NTRK3: variants seen among roughly 807,000 people sequenced by gnomAD.
The protein encoded by NTRK3 is neurotrophic receptor tyrosine kinase 3.
In NTRK3, 24 loss-of-function variants were observed where a neutral mutation model predicts 91.7. The observed-to-expected ratio is 0.26, with a 90% CI of 0.19 to 0.37. The LOEUF (loss-of-function observed/expected upper bound fraction) is 0.37, where lower values mean the gene tolerates loss of function less well. NTRK3 is among the 10% of genes least tolerant of loss of function. NTRK3 has a pLI of 1.00. For missense variants in NTRK3, 880 were observed against 1,068.9 expected (o/e 0.82, Z 2.46); for synonymous variants, 483 against 404.0 (o/e 1.20, Z -2.34).
intron 17 of NTRK3, among the ~76,000 whole-genome samples, chr15:87,916,893 T>C (rs1337481633): frequency 1.3e-5 from 2 of 151,906 alleles, no homozygotes; most frequent in African/African-American, 2.4e-5. Flanking sequence ...TCCCCAAGCA[T>C]GTGGGACTAC....
At chr15:88,197,094 C>CAAAA (rs59553739) in intron 3 of NTRK3, among the ~76,000 whole-genome samples, 1,228 of 56,534 alleles carry the variant, frequency 0.022, 250 homozygotes, top group Non-Finnish European at 0.027. Context: ...TTGAGCAGGA[C>CAAAA]AAAAAAAAAA....
intron 14 of NTRK3, among the ~76,000 whole-genome samples, chr15:87,951,911 G>A: frequency 6.6e-6 from 1 of 152,172 alleles, no homozygotes; most frequent in Non-Finnish European, 1.5e-5. Context: ...TAGATCACCT[G>A]AGGTCAGGAG....
intron 5 of NTRK3, among the ~76,000 whole-genome samples, chr15:88,159,036 C>T (rs999377889): frequency 3.3e-5 from 5 of 152,220 alleles, no homozygotes; most frequent in African/African-American, 1.2e-4. Context: ...TGAGAGAGAG[C>T]TGCCCAGGGC....
chr15:88,136,259 T>C lies in NTRK3; in HGVS notation c.765+208A>G, dbSNP rs546797170. 5.9e-5 allele frequency among the ~76,000 whole-genome samples: 9 copies of C among 152,388 alleles called. No homozygotes were observed. In the South Asian group the frequency reaches 1.9e-3, roughly 32 times the overall value. On this transcript the variant is annotated intron_variant, in intron 8 of 18. Transcript: ENST00000394480. ...TGAGGTGAACGGTAGTTCAGTACTA[T>C]GGCCATTTTACAGAAGCAAAACCTA...
intron 14 of NTRK3, among the ~76,000 whole-genome samples, chr15:88,032,328 G>A (rs2078614814): frequency 6.6e-6 from 1 of 152,094 alleles, no homozygotes; most frequent in African/African-American, 2.4e-5. Flanking sequence ...ATCTGCAGTG[G>A]GGAGGTGAGA....
chr15:87,911,598 T>C (rs572280803), intron 17 of NTRK3, among the ~76,000 whole-genome samples: 1 of 152,292 alleles, frequency 6.6e-6, no homozygotes, highest in South Asian at 2.1e-4. Flanking sequence ...TTTTCCAATC[T>C]TGCCACCCCT....
intron 13 of NTRK3, among the ~76,000 whole-genome samples, chr15:88,096,979 A>G (rs978306768): frequency 1.8e-4 from 27 of 152,318 alleles, no homozygotes; most frequent in Middle Eastern, 3.4e-3. Flanking sequence ...AGGATTTGAC[A>G]GCCTTTCTAA....
intron 5 of NTRK3, among the ~76,000 whole-genome samples, chr15:88,148,094 C>T (rs2043047155): frequency 6.6e-6 from 1 of 152,164 alleles, no homozygotes; most frequent in Non-Finnish European, 1.5e-5. Context: ...AGTGGCATCC[C>T]AGGAACAATG....
chr15:87,916,679 GC>G (rs2141800151), intron 17 of NTRK3: 8 of 662,298 alleles, frequency 1.2e-5, no homozygotes, highest in Non-Finnish European at 1.9e-5. Flanking sequence ...GGATTAGGGG[GC>G]TAAATATTTT....
chr15:88,063,990 T>A (rs922052102), intron 13 of NTRK3, among the ~76,000 whole-genome samples: 1 of 152,156 alleles, frequency 6.6e-6, no homozygotes, highest in African/African-American at 2.4e-5. Flanking sequence ...TTTGTAGATA[T>A]AATTAAAATA....
At chr15:88,056,781 A>G (rs972721534) in intron 13 of NTRK3, among the ~76,000 whole-genome samples, 1 of 152,144 alleles carries the variant, frequency 6.6e-6, no homozygotes, top group African/African-American at 2.4e-5. Context: ...AGTCGACAAC[A>G]TGTTCTTCCT....
At chr15:88,110,842 A>G (rs1030639176) in intron 13 of NTRK3, among the ~76,000 whole-genome samples, 1 of 152,122 alleles carries the variant, frequency 6.6e-6, no homozygotes, top group Non-Finnish European at 1.5e-5. Flanking sequence ...TTTTCATTTC[A>G]AAGTCCTGAG....
At chr15:87,954,011 T>A (rs1383017781) in intron 14 of NTRK3, among the ~76,000 whole-genome samples, 7 of 40,062 alleles carry the variant, frequency 1.7e-4, no homozygotes, top group Admixed American at 1.3e-3. Flanking sequence ...CTTTTCAGTG[T>A]GTGTGTGTGT....
chr15:87,886,107 A>C (rs1252280954), intron 17 of NTRK3, among the ~76,000 whole-genome samples: 2 of 152,120 alleles, frequency 1.3e-5, no homozygotes, highest in African/African-American at 2.4e-5. Flanking sequence ...ATGCCAATTA[A>C]AACAACAGAA....
intron 10 of NTRK3, among the ~76,000 whole-genome samples, chr15:88,129,754 T>C (rs2053627193): frequency 6.6e-6 from 1 of 152,166 alleles, no homozygotes; most frequent in Non-Finnish European, 1.5e-5. Context: ...AATAGCCAAA[T>C]GTAGGATCAT....
intron 3 of NTRK3, among the ~76,000 whole-genome samples, chr15:88,221,744 G>C (rs753883304): frequency 6.6e-6 from 1 of 152,208 alleles, no homozygotes; most frequent in Admixed American, 6.5e-5. Context: ...GGCCAGTCCC[G>C]TAGTGACGGG....
chr15:88,077,776 C>T (rs534144344), intron 13 of NTRK3, among the ~76,000 whole-genome samples: 7 of 152,278 alleles, frequency 4.6e-5, no homozygotes, highest in South Asian at 4.1e-4. Context: ...GATGTGGCCC[C>T]GTTTCCTGCC....
chr15:88,162,684 A>C (rs1297817551), intron 5 of NTRK3, among the ~76,000 whole-genome samples: 2 of 152,254 alleles, frequency 1.3e-5, no homozygotes, highest in African/African-American at 4.8e-5. Flanking sequence ...AGAATAATTA[A>C]TATCATCAGG....
At chr15:87,955,743 G>T (rs978579339) in intron 14 of NTRK3, among the ~76,000 whole-genome samples, 1 of 152,204 alleles carries the variant, frequency 6.6e-6, no homozygotes, top group Admixed American at 6.5e-5. Flanking sequence ...GGGCAGAAAA[G>T]AGGCCAGTTC....
Sources: gnomAD v4.1 joint callset for allele counts (sites outside exome capture counted in the v4.1 genomes callset) on GRCh38, gnomAD v4.1.1 for gene constraint, MANE v1.5 for transcripts, NCBI Gene and HGNC (gene_info 2026-07-23, HGNC 2026-07-21) for gene names.